Variants in TSPAN15 observed in about 807,000 individuals in gnomAD.
TSPAN15 encodes tetraspanin 15.
TSPAN15 carries 20 observed loss-of-function variants against 34.5 expected under a neutral mutation model. The ratio of observed to expected loss-of-function variants is 0.58; its 90% CI spans 0.41 to 0.84. The LOEUF (loss-of-function observed/expected upper bound fraction) is 0.84. TSPAN15 is among the 40% of genes least tolerant of loss of function. The probability of loss-of-function intolerance (pLI) is 0.00; values close to 1 mark genes in which losing one functional copy is unlikely to be tolerated. For synonymous variants in TSPAN15, 155 were observed against 153.9 expected (o/e 1.01, Z -0.05); for missense variants, 313 against 386.1 (o/e 0.81, Z 1.59).
At chr10:69,545,002 G>A in the TSPAN15 span, among the ~76,000 whole-genome samples, 1 of 152,200 alleles carries the variant, frequency 6.6e-6, no homozygotes, top group African/African-American at 2.4e-5. Flanking sequence ...TCCGAAGAGA[G>A]CAAATGGGAG....
intron 1 of TSPAN15, among the ~76,000 whole-genome samples, chr10:69,471,768 C>G (rs1192837581): frequency 1.3e-5 from 2 of 152,010 alleles, no homozygotes; most frequent in African/African-American, 4.8e-5. Context: ...ATTCTTCTTA[C>G]TTTTTGTAGG....
chr10:69,519,218 C>T, the TSPAN15 span, among the ~76,000 whole-genome samples: 1 of 152,198 alleles, frequency 6.6e-6, no homozygotes, highest in East Asian at 1.9e-4. Context: ...GGAGTTTAAG[C>T]CCAGCCTGGG....
chr10:69,525,416 G>C, the TSPAN15 span, among the ~76,000 whole-genome samples: 1 of 142,294 alleles, frequency 7.0e-6, no homozygotes, highest in Non-Finnish European at 1.5e-5. Flanking sequence ...GTGCAACTGA[G>C]ATGAGAGATT....
the TSPAN15 span, among the ~76,000 whole-genome samples, chr10:69,515,156 C>T: frequency 6.6e-6 from 1 of 152,226 alleles, no homozygotes; most frequent in African/African-American, 2.4e-5. Flanking sequence ...AAGAGACCAA[C>T]CTTGCCTAGT....
intron 3 of TSPAN15, among the ~76,000 whole-genome samples, chr10:69,494,007 G>A (rs1434890171): frequency 6.6e-6 from 1 of 152,218 alleles, no homozygotes; most frequent in Non-Finnish European, 1.5e-5. Flanking sequence ...TGATCCTGGA[G>A]ATAATTTTGG....
chr10:69,487,799 G>A (rs1357443567), intron 3 of TSPAN15, among the ~76,000 whole-genome samples: 1 of 152,192 alleles, frequency 6.6e-6, no homozygotes, highest in Non-Finnish European at 1.5e-5. Flanking sequence ...TCACAGCTTG[G>A]GTTTCCGTGG....
intron 1 of TSPAN15, among the ~76,000 whole-genome samples, chr10:69,464,200 G>A (rs1841332537): frequency 6.6e-6 from 1 of 152,262 alleles, no homozygotes; most frequent in Non-Finnish European, 1.5e-5. Flanking sequence ...AGAACTGTGA[G>A]AGATTAAACT....
At chr10:69,456,675 C>G (rs559253619) in intron 1 of TSPAN15, among the ~76,000 whole-genome samples, 19 of 152,324 alleles carry the variant, frequency 1.2e-4, no homozygotes, top group Admixed American at 1.0e-3. Flanking sequence ...CGCCTACCCT[C>G]TCTGTTCAAA....
chr10:69,524,124 G>T, the TSPAN15 span, among the ~76,000 whole-genome samples: 1 of 148,078 alleles, frequency 6.8e-6, no homozygotes, highest in South Asian at 2.1e-4. Context: ...AATCAGTGTG[G>T]CCCTCAGTCC....
chr10:69,484,237 C>T (rs180740007), intron 2 of TSPAN15: 146 of 184,254 alleles, frequency 7.9e-4, no homozygotes, highest in African/African-American at 3.1e-3. Context: ...GTTTAGATGG[C>T]GCCACTGGGC....
chr10:69,489,207 G>T (rs988117171), intron 3 of TSPAN15, among the ~76,000 whole-genome samples: 4 of 152,160 alleles, frequency 2.6e-5, no homozygotes, highest in Non-Finnish European at 5.9e-5. Context: ...CCGTTTATAG[G>T]CTGTCTGCAA....
the TSPAN15 span, among the ~76,000 whole-genome samples, chr10:69,540,044 T>G: frequency 6.6e-6 from 1 of 151,758 alleles, no homozygotes; most frequent in Admixed American, 6.6e-5. Context: ...GCATGCACCA[T>G]GATGCCCGGC....
chr10:69,459,028 A>G (rs958159152), intron 1 of TSPAN15, among the ~76,000 whole-genome samples: 3 of 151,352 alleles, frequency 2.0e-5, no homozygotes, highest in African/African-American at 4.9e-5. Flanking sequence ...TTCTGTACCA[A>G]CTGGCTCCAC....
chr10:69,534,024 A>C, the TSPAN15 span, among the ~76,000 whole-genome samples: 1 of 152,234 alleles, frequency 6.6e-6, no homozygotes, highest in Admixed American at 6.5e-5. Flanking sequence ...ATACTCTAGG[A>C]AAATTACTAG....
intron 1 of TSPAN15, among the ~76,000 whole-genome samples, chr10:69,458,775 A>G (rs1191147620): frequency 1.3e-5 from 2 of 152,194 alleles, no homozygotes; most frequent in South Asian, 4.1e-4. Flanking sequence ...TAGATGAGCA[A>G]ACTAAGGCCC....
intron 6 of TSPAN15, among the ~76,000 whole-genome samples, chr10:69,505,441 C>A (rs1238479372): frequency 6.6e-6 from 1 of 152,134 alleles, no homozygotes; most frequent in South Asian, 2.1e-4. Flanking sequence ...TTGCCACTGG[C>A]ATGGTTTTTA....
chr10:69,530,838 A>C, the TSPAN15 span, among the ~76,000 whole-genome samples: 539 of 117,410 alleles, frequency 4.6e-3, 11 homozygotes, highest in African/African-American at 5.5e-3. Flanking sequence ...ATATATATAT[A>C]TATATATATA....
intron 1 of TSPAN15, among the ~76,000 whole-genome samples, chr10:69,472,805 G>T (rs1841534325): frequency 6.6e-6 from 1 of 152,226 alleles, no homozygotes; most frequent in African/African-American, 2.4e-5. Flanking sequence ...TGGCCATTGT[G>T]AACTGGCTTG....
Position 69,506,729 on chromosome 10 carries a change from G to A in TSPAN15, c.736-100G>A, listed in dbSNP as rs1842334430. The A allele has an allele frequency of 2.4e-6, 3 of 1,233,218 alleles. No individual in the cohort carries two copies. Among genetic ancestry groups the A allele is most frequent in the Non-Finnish European group, 2.3e-6 (2 of 869,178 alleles). The allele number at this position is 1,233,218 out of a possible 1,614,324, so 76.4% of individuals were successfully genotyped here. A position where few individuals can be genotyped will look rare whatever the true frequency, so the allele number is the denominator to read the frequency against. ...TGCCCAGGTCACACAGGACCATGAG[G>A]GCTTGGGACTGGCTGCTTGGGTTTC... On this transcript the variant is annotated intron_variant, in intron 7 of 7. Transcript: ENST00000373290. The surrounding 1 kb of genome is among the most constrained non-coding windows in gnomAD (Gnocchi z 4.7).
Sources: allele counts gnomAD v4.1 joint callset (sites outside exome capture counted in the v4.1 genomes callset), GRCh38; gene constraint gnomAD v4.1.1; non-coding constraint Gnocchi (gnomAD v3.1); transcripts MANE v1.5; gene names NCBI Gene and HGNC (gene_info 2026-07-23, HGNC 2026-07-21).